The following BRINP3 variants were observed in gnomAD, a reference collection of about 807,000 sequenced individuals.
BRINP3 encodes BMP/retinoic acid-inducible neural-specific protein 3.
A neutral mutation model predicts 71.0 loss-of-function variants in BRINP3; 19 were observed. The ratio of observed to expected loss-of-function variants is 0.27; its 90% confidence interval spans 0.19 to 0.39. The LOEUF (loss-of-function observed/expected upper bound fraction) is 0.39, where lower values mean the gene tolerates loss of function less well. Among genes scored for constraint, BRINP3 ranks in the 10% least tolerant of loss-of-function variants. The pLI is 1.00. For missense variants in BRINP3, 959 were observed against 940.8 expected (o/e 1.02, Z -0.25); for synonymous variants, 380 against 337.7 (o/e 1.13, Z -1.37).
chr1:190,194,811 T>C (rs1338370819), intron 6 of BRINP3, among the ~76,000 whole-genome samples: 1 of 152,056 alleles, frequency 6.6e-6, no homozygotes, highest in African/African-American at 2.4e-5. Context: ...AGAAAGCAGC[T>C]GCTCATCTAG....
intron 4 of BRINP3, among the ~76,000 whole-genome samples, chr1:190,235,342 TATCCTGAAGATTTA>T (rs1196584505): frequency 6.6e-6 from 1 of 152,088 alleles, no homozygotes; most frequent in African/African-American, 2.4e-5. Context: ...GCTGAAAATG[TATCCTGAAGATTTA>T]ATCCTGAAGA....
At chr1:190,471,591 T>C (rs1571404631) in intron 1 of BRINP3, among the ~76,000 whole-genome samples, 2 of 151,534 alleles carry the variant, frequency 1.3e-5, no homozygotes, top group African/African-American at 2.4e-5. Context: ...GTCATCCTAA[T>C]TAATTCTAGT....
At chr1:190,178,910 TA>T (rs1652792372) in intron 6 of BRINP3, among the ~76,000 whole-genome samples, 3 of 152,190 alleles carry the variant, frequency 2.0e-5, no homozygotes. Flanking sequence ...TTATTTGAAA[TA>T]TTTCCATGAA....
chr1:190,297,218 G>A (rs1664316609), intron 2 of BRINP3, among the ~76,000 whole-genome samples: 1 of 151,862 alleles, frequency 6.6e-6, no homozygotes. Flanking sequence ...ATAATAGAGA[G>A]GCCAGAATAA....
chr1:190,461,594 T>C (rs184691971), intron 1 of BRINP3, among the ~76,000 whole-genome samples: 293 of 152,328 alleles, frequency 1.9e-3, no homozygotes, highest in Non-Finnish European at 3.5e-3. Flanking sequence ...CCAAAGTTTC[T>C]GAAATAAACC....
chr1:190,272,639 A>T (rs1662208434), intron 3 of BRINP3, among the ~76,000 whole-genome samples: 1 of 151,438 alleles, frequency 6.6e-6, no homozygotes, highest in South Asian at 2.1e-4. Context: ...TTACCACAGG[A>T]ATCAGGACAT....
intron 6 of BRINP3, among the ~76,000 whole-genome samples, chr1:190,221,376 ACTATAT>A (rs1388233326): frequency 1.3e-5 from 2 of 152,186 alleles, no homozygotes; most frequent in East Asian, 1.9e-4. Context: ...AGCATAACTT[ACTATAT>A]CTATAAGATG....
At position 190,345,306 on chromosome 1, in the gene BRINP3, A is replaced by T. The variant is rs554823258; in HGVS notation, c.237-63556T>A. Among the ~76,000 whole-genome samples the T allele has an allele frequency of 9.2e-4, 140 of 151,886 alleles. 1 individual carries two copies. Among genetic ancestry groups the T allele is most frequent in the Non-Finnish European group, 1.5e-3 (102 of 67,796 alleles). On this transcript the variant is annotated intron_variant, in intron 2 of 7. Transcript: ENST00000367462. ...AAGATCTAAATCCAGATTACTTAAA[A>T]TTAAAAAAAATTAAATTCCAATTTG... is the stretch of plus-strand genomic sequence containing the variant.
rs117411829 is a variant in BRINP3 at position 190,454,304 on chromosome 1, G to A, written c.236+351C>T. ...CATTTAGGCTGAAAAAGGTAACATA[G>A]CATTGTATAAGGTAGAAAGGAAAAG... On this transcript the variant is annotated intron_variant, in intron 2 of 7. Coordinates refer to ENST00000367462, the MANE Select transcript of BRINP3 (RefSeq NM_199051.3). 3.3e-5 allele frequency among the ~76,000 whole-genome samples: 5 copies of A among 152,220 alleles called. No individual in the cohort carries two copies. In the East Asian group the frequency reaches 9.7e-4, roughly 29 times the overall value.
At chr1:190,265,576 T>G (rs1011553790) in intron 3 of BRINP3, among the ~76,000 whole-genome samples, 1 of 146,216 alleles carries the variant, frequency 6.8e-6, no homozygotes. Context: ...TAGCCGGGCG[T>G]GGTGGCGGGC....
chr1:190,110,086 G>A (rs981415841), intron 7 of BRINP3, among the ~76,000 whole-genome samples: 5 of 152,134 alleles, frequency 3.3e-5, no homozygotes, highest in African/African-American at 1.2e-4. Flanking sequence ...ACAATAAAGA[G>A]AACTCACTAT....
At chr1:190,396,713 G>GATATATATATATATAT (rs3077327) in intron 2 of BRINP3, among the ~76,000 whole-genome samples, 1,339 of 100,810 alleles carry the variant, frequency 0.013, 55 homozygotes, top group East Asian at 0.024. Context: ...CTAATTTAAT[G>GATATATATATATATAT]ATATATATAT....
chr1:190,201,635 C>G (rs967925504), intron 6 of BRINP3, among the ~76,000 whole-genome samples: 1 of 152,176 alleles, frequency 6.6e-6, no homozygotes, highest in Non-Finnish European at 1.5e-5. Flanking sequence ...TGGGCTGGGC[C>G]CAAGGTCACA....
chr1:190,215,466 A>G (rs1656333335), intron 6 of BRINP3, among the ~76,000 whole-genome samples: 2 of 151,974 alleles, frequency 1.3e-5, no homozygotes, highest in Admixed American at 1.3e-4. Context: ...TATTTTCCCT[A>G]GAAAATGTCC....
At chr1:190,340,213 G>A (rs1667564609) in intron 2 of BRINP3, among the ~76,000 whole-genome samples, 1 of 151,848 alleles carries the variant, frequency 6.6e-6, no homozygotes, top group African/African-American at 2.4e-5. Context: ...GTTATCTGCT[G>A]GCAGCAAACA....
intron 2 of BRINP3, among the ~76,000 whole-genome samples, chr1:190,301,805 T>C (rs568927990): frequency 1.3e-5 from 2 of 152,054 alleles, no homozygotes; most frequent in South Asian, 4.1e-4. Context: ...AAGTGGACAG[T>C]AAAACCAAGC....
At chr1:190,152,639 C>T (rs919496989) in intron 7 of BRINP3, among the ~76,000 whole-genome samples, 1 of 145,308 alleles carries the variant, frequency 6.9e-6, no homozygotes, top group East Asian at 2.1e-4. Flanking sequence ...GACATCTTTC[C>T]TGTGTACACT....
chr1:190,244,106 C>A (rs189424375), intron 4 of BRINP3, among the ~76,000 whole-genome samples: 4 of 152,022 alleles, frequency 2.6e-5, no homozygotes, highest in Admixed American at 1.3e-4. Context: ...TAAAGTGCAC[C>A]TTAATGTAAC....
At chr1:190,353,254 C>A (rs1486040516) in intron 2 of BRINP3, among the ~76,000 whole-genome samples, 2 of 151,880 alleles carry the variant, frequency 1.3e-5, no homozygotes, top group Non-Finnish European at 2.9e-5. Flanking sequence ...ACAAAATTCA[C>A]AAAATGAAGA....
Sources: gnomAD v4.1 joint callset for allele counts (sites outside exome capture counted in the v4.1 genomes callset) on GRCh38, gnomAD v4.1.1 for gene constraint, MANE v1.5 for transcripts, NCBI Gene and HGNC (gene_info 2026-07-23, HGNC 2026-07-21) for gene names.